Variants in TJP1 observed in about 807,000 individuals in gnomAD.
TJP1 encodes the protein tight junction protein ZO-1.
TJP1 carries 43 observed loss-of-function variants against 194.2 expected under a neutral mutation model. That is an observed-to-expected ratio of 0.22 (90% CI 0.17 to 0.29). TJP1 has a LOEUF of 0.29. Ranked by LOEUF, TJP1 falls within the 10% of genes least tolerant of loss-of-function variation. The pLI is 1.00. For synonymous variants in TJP1, 801 were observed against 779.0 expected (o/e 1.03, Z -0.47); for missense variants, 1,971 against 2,185.7 (o/e 0.90, Z 1.96).
upstream of TJP1, chr15:29,823,395 A>G (rs1443122352): frequency 1.3e-5 from 2 of 152,126 alleles, no homozygotes; most frequent in Non-Finnish European, 2.9e-5. Context: ...AGACTCACTA[A>G]TCTACACTTG....
At chr15:29,764,282 GAAGGGTA>G (rs1465190569) in intron 5 of TJP1, among the ~76,000 whole-genome samples, 1 of 152,184 alleles carries the variant, frequency 6.6e-6, no homozygotes, top group East Asian at 1.9e-4. Flanking sequence ...ACCTAAACCT[GAAGGGTA>G]TGTTTGTGGG....
intron 2 of TJP1, among the ~76,000 whole-genome samples, chr15:29,886,555 T>C (rs1192895447): frequency 5.3e-5 from 8 of 151,292 alleles, no homozygotes; most frequent in African/African-American, 1.9e-4. Context: ...ACTGTGCCTG[T>C]GACTGGCTGC....
At chr15:29,902,146 T>G (rs2053654439) in intron 2 of TJP1, among the ~76,000 whole-genome samples, 1 of 152,202 alleles carries the variant, frequency 6.6e-6, no homozygotes, top group African/African-American at 2.4e-5. Context: ...ATTCTTTAAT[T>G]TGAATCATGA....
At chr15:29,853,275 G>A (rs574406410) in intron 2 of TJP1, among the ~76,000 whole-genome samples, 115 of 152,194 alleles carry the variant, frequency 7.6e-4, no homozygotes, top group Non-Finnish European at 1.4e-3. Flanking sequence ...AGGAACATGT[G>A]TGTGATTATA....
intron 8 of TJP1, among the ~76,000 whole-genome samples, chr15:29,748,564 CTTTTTTTTTT>C (rs61364565): frequency 4.0e-3 from 292 of 73,398 alleles, no homozygotes; most frequent in South Asian, 9.4e-3. Flanking sequence ...CTTCCTAATT[CTTTTTTTTTT>C]TTTTTTTTTT....
intron 2 of TJP1, among the ~76,000 whole-genome samples, chr15:29,932,608 A>C (rs2054757699): frequency 6.6e-6 from 1 of 152,198 alleles, no homozygotes; most frequent in South Asian, 2.1e-4. Flanking sequence ...GAAACCATAA[A>C]AGACTGATAA....
intron 2 of TJP1, among the ~76,000 whole-genome samples, chr15:29,875,542 G>T (rs1253568313): frequency 6.6e-6 from 1 of 152,088 alleles, no homozygotes; most frequent in Non-Finnish European, 1.5e-5. Context: ...AATACATGTT[G>T]TGGGTTTTGG....
chr15:29,948,662 A>C (rs1011900961), intron 2 of TJP1, among the ~76,000 whole-genome samples: 1 of 152,152 alleles, frequency 6.6e-6, no homozygotes, highest in Non-Finnish European at 1.5e-5. Flanking sequence ...AAGCCTACGC[A>C]GAGGAGGGGA....
At chr15:29,836,305 G>A (rs1193240234) in intron 2 of TJP1, among the ~76,000 whole-genome samples, 4 of 150,320 alleles carry the variant, frequency 2.7e-5, no homozygotes, top group African/African-American at 9.8e-5. Flanking sequence ...ACAGAGTCTT[G>A]CTCTGTCGCC....
intron 2 of TJP1, 32 bp downstream of exon 2, chr15:29,800,614 T>C (rs371839505): frequency 1.2e-6 from 2 of 1,610,584 alleles, no homozygotes; most frequent in African/African-American, 1.3e-5. Flanking sequence ...TCCTGAGTTA[T>C]ACACAGATTA....
chr15:29,749,136 C>T (rs549480435), intron 8 of TJP1, among the ~76,000 whole-genome samples: 8 of 150,394 alleles, frequency 5.3e-5, no homozygotes, highest in South Asian at 2.1e-4. Context: ...AAGGGTAAGA[C>T]GAGTTTCTGT....
chr15:29,921,946 G>A (rs1337459203), intron 2 of TJP1, among the ~76,000 whole-genome samples: 1 of 151,644 alleles, frequency 6.6e-6, no homozygotes, highest in Non-Finnish European at 1.5e-5. Context: ...CTGGGTTCAG[G>A]TGATTCTCCT....
At chr15:29,949,683 T>TCACCACCACCACCTCCACCAC (rs2055551396) in intron 2 of TJP1, among the ~76,000 whole-genome samples, 1 of 15,614 alleles carries the variant, frequency 6.4e-5, no homozygotes, top group Non-Finnish European at 1.3e-4. Flanking sequence ...ACCTCCACCT[T>TCACCACCACCACCTCCACCAC]CACCACCACC....
At chr15:29,926,434 A>C (rs1567202636) in intron 2 of TJP1, among the ~76,000 whole-genome samples, 1 of 152,120 alleles carries the variant, frequency 6.6e-6, no homozygotes, top group East Asian at 1.9e-4. Flanking sequence ...CGACATGGTG[A>C]AACCGTCTCT....
At chr15:29,704,802 T>C (rs915400182) in intron 26 of TJP1, among the ~76,000 whole-genome samples, 8 of 152,208 alleles carry the variant, frequency 5.3e-5, no homozygotes, top group African/African-American at 1.9e-4. Context: ...CATAGGTGGT[T>C]AAAGAGATTC....
rs45491994 is a variant in TJP1 at position 29,719,395 on chromosome 15, A to G, written c.3004-257T>C. On this transcript the variant is annotated intron_variant, in intron 20 of 27. Coordinates refer to ENST00000614355, the MANE Select transcript of TJP1 (RefSeq NM_001330239.4). ...TAAAGATAAATATTAAATTTAGTAGAAAATTAATGCACTATTGATTACACT... is the reference window on the plus strand; with the variant it reads ...TAAAGATAAATATTAAATTTAGTAGGAAATTAATGCACTATTGATTACACT... Among the ~76,000 whole-genome samples the G allele has an allele frequency of 3.3e-5, 5 of 152,332 alleles. No homozygotes were observed. The East Asian group carries it at 9.6e-4, about 29-fold the overall frequency.
intron 5 of TJP1, 121 bp from the exon 6 acceptor site, chr15:29,762,559 G>C: frequency 1.5e-6 from 1 of 653,946 alleles, no homozygotes. Context: ...TCAATAACAA[G>C]AAATATTTCT....
At chr15:29,782,999 C>T (rs6495914) in intron 2 of TJP1, among the ~76,000 whole-genome samples, 120,771 of 151,758 alleles carry the variant, frequency 0.8, 48,524 homozygotes, top group East Asian at 0.86. Flanking sequence ...AGCGGCCGGG[C>T]GTGGTGGCTC....
chr15:29,746,302 C>T lies in TJP1; in HGVS notation c.1011-3521G>A, dbSNP rs191147470. Among the ~76,000 whole-genome samples the T allele has an allele frequency of 4.1e-3, 621 of 151,762 alleles. 17 individuals carry two copies. In the East Asian group the frequency reaches 0.077, roughly 19 times the overall value. On this transcript the variant is annotated intron_variant, in intron 8 of 27. Coordinates refer to ENST00000614355, the MANE Select transcript of TJP1 (RefSeq NM_001330239.4). ...CTGAGGCAGGAGAATGGCGTGAACC[C>T]GGGAGGCGGAGCTTGCAGTGAGCCC...
Sources: allele counts gnomAD v4.1 joint callset (sites outside exome capture counted in the v4.1 genomes callset), GRCh38; gene constraint gnomAD v4.1.1; transcripts MANE v1.5; gene names NCBI Gene and HGNC (gene_info 2026-07-23, HGNC 2026-07-21).